SASH1: variants seen among roughly 807,000 people sequenced by gnomAD.
SASH1 encodes the protein SAM and SH3 domain-containing protein 1.
A neutral mutation model predicts 125.2 loss-of-function variants in SASH1; 44 were observed. That is an observed-to-expected ratio of 0.35 (90% CI 0.28 to 0.45). The LOEUF is 0.45. SASH1 is among the 20% of genes least tolerant of loss of function. The pLI is 1.00. For missense variants in SASH1, 1,426 were observed against 1,614.5 expected (o/e 0.88, Z 2.00); for synonymous variants, 639 against 649.1 (o/e 0.98, Z 0.24).
the SASH1 span, among the ~76,000 whole-genome samples, chr6:148,262,875 A>G: frequency 6.6e-6 from 1 of 152,202 alleles, no homozygotes. Flanking sequence ...CTCTGTCTCA[A>G]AAGAAAAGAA....
At chr6:148,373,247 A>G (rs1220978653) in intron 1 of SASH1, among the ~76,000 whole-genome samples, 1 of 152,168 alleles carries the variant, frequency 6.6e-6, no homozygotes, top group Non-Finnish European at 1.5e-5. Flanking sequence ...GGGAGCTGCA[A>G]TTTTAGACAT....
At chr6:148,278,952 G>C (rs1779261307) in intron 1 of SASH1, among the ~76,000 whole-genome samples, 2 of 151,970 alleles carry the variant, frequency 1.3e-5, no homozygotes, top group South Asian at 4.1e-4. Flanking sequence ...CAAAGGTCTA[G>C]AGGTTGAATT....
chr6:148,528,237 G>T (rs934113256), intron 12 of SASH1, among the ~76,000 whole-genome samples: 2 of 152,080 alleles, frequency 1.3e-5, no homozygotes, highest in Non-Finnish European at 2.9e-5. Context: ...AAATTGCATG[G>T]GTGGAGGGAG....
chr6:148,223,381 T>C, the SASH1 span, among the ~76,000 whole-genome samples: 1 of 152,230 alleles, frequency 6.6e-6, no homozygotes, highest in Non-Finnish European at 1.5e-5. Flanking sequence ...CATTTCAGAT[T>C]ATGCTGGAAT....
rs1437919317 is a variant in SASH1 at position 148,387,643 on chromosome 6, T to G, written c.157-2491T>G. On this transcript the variant is annotated intron_variant, in intron 1 of 19. Coordinates refer to ENST00000367467, the MANE Select transcript of SASH1 (RefSeq NM_015278.5). ...TTCTTTCTTTCTTTCTTTCTTTCTT[T>G]CTTTCTTTCTTTCTTTCTTTCTTTC... Among the ~76,000 whole-genome samples, 9 of 53,596 alleles carry G rather than the reference T, an allele frequency of 1.7e-4. 1 individual carries two copies. The highest frequency in any genetic ancestry group is 6.4e-4 in the African/African-American group (9 of 14,148). The allele number at this position is 53,596 out of a possible 152,430, so 35.2% of individuals were successfully genotyped here.
intron 8 of SASH1, among the ~76,000 whole-genome samples, chr6:148,494,433 G>A (rs1329847411): frequency 6.6e-6 from 1 of 152,162 alleles, no homozygotes; most frequent in Non-Finnish European, 1.5e-5. Flanking sequence ...TTTTGAGTGA[G>A]TAAAGCAAGT....
chr6:148,249,578 G>A, the SASH1 span, among the ~76,000 whole-genome samples: 9 of 152,138 alleles, frequency 5.9e-5, no homozygotes, highest in Non-Finnish European at 8.8e-5. Flanking sequence ...GACCTTGACC[G>A]ATTTACCTTA....
chr6:148,243,983 G>A, the SASH1 span, among the ~76,000 whole-genome samples: 1 of 152,156 alleles, frequency 6.6e-6, no homozygotes, highest in East Asian at 1.9e-4. Context: ...AGCCTCAGGG[G>A]ACACTCTCTG....
At chr6:148,477,604 C>T (rs62432326) in intron 7 of SASH1, among the ~76,000 whole-genome samples, 6,517 of 151,948 alleles carry the variant, frequency 0.043, 174 homozygotes, top group Admixed American at 0.073. Flanking sequence ...CGGCTCACTG[C>T]GACCTCCGCC....
the SASH1 span, among the ~76,000 whole-genome samples, chr6:148,233,429 C>A: frequency 6.6e-6 from 1 of 151,944 alleles, no homozygotes; most frequent in Non-Finnish European, 1.5e-5. Context: ...TTTCTTCTTT[C>A]TCTCTTTTTA....
At chr6:148,516,118 C>T (rs757595784) in intron 9 of SASH1, among the ~76,000 whole-genome samples, 1 of 152,170 alleles carries the variant, frequency 6.6e-6, no homozygotes, top group Non-Finnish European at 1.5e-5. Context: ...ATAACTCTAA[C>T]GTAAAAAGTA....
chr6:148,249,661 A>C, the SASH1 span, among the ~76,000 whole-genome samples: 1 of 152,204 alleles, frequency 6.6e-6, no homozygotes, highest in Non-Finnish European at 1.5e-5. Context: ...ATGTCTGAGA[A>C]ACAGAGGTAA....
rs1190842594 is a variant in SASH1 at position 148,312,150 on chromosome 6, T to C, written n.74+39773T>C. Among the ~76,000 whole-genome samples the C allele has an allele frequency of 8.5e-5, 13 of 152,284 alleles. No individual in the cohort carries two copies. In the East Asian group the frequency reaches 2.5e-3, roughly 29 times the overall value. ...TGGAGTTTGGTGGTCGGGGGACGAG[T>C]TGACTGTTAAATAGCATGAGGGCAG... On this transcript the variant is annotated intron_variant and non_coding_transcript_variant, in intron 1 of 3. Transcript: ENST00000367469.
At chr6:148,405,184 C>T (rs1176513491) in intron 2 of SASH1, among the ~76,000 whole-genome samples, 2 of 152,026 alleles carry the variant, frequency 1.3e-5, no homozygotes, top group African/African-American at 4.8e-5. Context: ...CTTTCTTAGG[C>T]CTGTCTCCTA....
At chr6:148,448,115 A>AGAGAGTGTGTGTGTGTGTGTGT (rs374141600) in intron 4 of SASH1, among the ~76,000 whole-genome samples, 1 of 146,816 alleles carries the variant, frequency 6.8e-6, no homozygotes, top group Non-Finnish European at 1.5e-5. Context: ...CAGTGGAGAG[A>AGAGAGTGTGTGTGTGTGTGTGT]GTGTGTGTGT....
chr6:148,326,376 ATTCTTTTCTTTTCTTTTCTT>A (rs71004287), intron 1 of SASH1, among the ~76,000 whole-genome samples: 1 of 38,294 alleles, frequency 2.6e-5, no homozygotes, highest in African/African-American at 8.4e-5. Flanking sequence ...ATATATATAC[ATTCTTTTCTTTTCTTTTCTT>A]TTCTTTTCTT....
the SASH1 span, among the ~76,000 whole-genome samples, chr6:148,201,995 C>T: frequency 4.6e-5 from 7 of 152,184 alleles, no homozygotes; most frequent in East Asian, 1.4e-3. Flanking sequence ...TCCACCAGTT[C>T]ACCCGGTCCA....
chr6:148,551,800 T>G lies in SASH1; in HGVS notation c.*3242T>G, dbSNP rs116933018. 1 of 152,798 alleles carries G rather than the reference T, an allele frequency of 6.5e-6. No homozygotes were observed. Among genetic ancestry groups the G allele is most frequent in the Non-Finnish European group, 1.5e-5 (1 of 68,028 alleles). The allele number at this position is 152,798 out of a possible 1,614,324, so 9.5% of individuals were successfully genotyped here. On this transcript the variant is annotated 3_prime_UTR_variant, in exon 20 of 20. Coordinates refer to ENST00000367467, the MANE Select transcript of SASH1 (RefSeq NM_015278.5). The stretch of plus-strand genomic sequence containing the variant: ...TATATGAAATCAATATTTAAATAAC[T>G]TATTTTTCTCCATTGCTGTTCTTAA...
chr6:148,346,605 G>A (rs1447784876), intron 1 of SASH1, among the ~76,000 whole-genome samples: 1 of 151,982 alleles, frequency 6.6e-6, no homozygotes, highest in Non-Finnish European at 1.5e-5. Flanking sequence ...TGGCTTTGTT[G>A]AAAGAAAAAG....
Sources: gnomAD v4.1 joint callset for allele counts (sites outside exome capture counted in the v4.1 genomes callset) on GRCh38, gnomAD v4.1.1 for gene constraint, MANE v1.5 for transcripts, NCBI Gene and HGNC (gene_info 2026-07-23, HGNC 2026-07-21) for gene names.